MYO3B: variants seen among roughly 807,000 people sequenced by gnomAD.
MYO3B encodes the protein myosin IIIB, also known as myosin-IIIb.
MYO3B carries 156 observed loss-of-function variants against 174.6 expected under a neutral mutation model. The ratio of observed to expected loss-of-function variants is 0.89; its 90% CI spans 0.78 to 1.02. The LOEUF (loss-of-function observed/expected upper bound fraction) is 1.02. Among genes scored for constraint, MYO3B ranks in the 50% least tolerant of loss-of-function variants. The pLI is 0.00. For missense variants in MYO3B, 1,632 were observed against 1,639.4 expected (o/e 1.00, Z 0.08); for synonymous variants, 563 against 569.1 (o/e 0.99, Z 0.15).
chr2:170,286,269 C>T (rs1227313567), intron 7 of MYO3B, among the ~76,000 whole-genome samples: 1 of 152,152 alleles, frequency 6.6e-6, no homozygotes, highest in Non-Finnish European at 1.5e-5. Flanking sequence ...TGAACTATAT[C>T]TGATGTTCAC....
chr2:170,465,876 C>A (rs1684591991), intron 24 of MYO3B, among the ~76,000 whole-genome samples: 1 of 152,126 alleles, frequency 6.6e-6, no homozygotes, highest in Non-Finnish European at 1.5e-5. Context: ...GCAGTGGATG[C>A]CCCTGAGGAA....
intron 26 of MYO3B, among the ~76,000 whole-genome samples, chr2:170,499,085 A>G (rs1458092844): frequency 6.6e-6 from 1 of 152,208 alleles, no homozygotes; most frequent in East Asian, 1.9e-4. Context: ...TTTGCTGCAT[A>G]GCCTGATTAT....
At chr2:170,534,157 G>A (rs368552218) in intron 30 of MYO3B, among the ~76,000 whole-genome samples, 4 of 152,184 alleles carry the variant, frequency 2.6e-5, no homozygotes, top group Non-Finnish European at 4.4e-5. Context: ...TGTTGAGCAA[G>A]TCTGTTTTTG....
At chr2:170,316,451 T>G (rs1297907908) in intron 7 of MYO3B, among the ~76,000 whole-genome samples, 1 of 152,226 alleles carries the variant, frequency 6.6e-6, no homozygotes. Context: ...ATCTTCATTT[T>G]AAAATCTGAA....
intron 32 of MYO3B, among the ~76,000 whole-genome samples, chr2:170,649,630 C>T (rs1010114674): frequency 6.7e-6 from 1 of 150,008 alleles, no homozygotes; most frequent in Non-Finnish European, 1.5e-5. Flanking sequence ...AGTTCGAGAC[C>T]AGCCTGGCCA....
intron 25 of MYO3B, among the ~76,000 whole-genome samples, chr2:170,492,527 C>G (rs527895647): frequency 6.6e-6 from 1 of 152,296 alleles, no homozygotes; most frequent in East Asian, 1.9e-4. Flanking sequence ...CGAAAGTAAC[C>G]TAAGAAATAA....
chr2:170,277,625 A>G (rs1407557131), intron 7 of MYO3B, among the ~76,000 whole-genome samples: 1 of 152,118 alleles, frequency 6.6e-6, no homozygotes, highest in Non-Finnish European at 1.5e-5. Context: ...TAGGCTGGTA[A>G]TTTAAGGATA....
chr2:170,405,631 A>G lies in MYO3B; in HGVS notation c.2518A>G (p.Lys840Glu). 6.2e-7 allele frequency: 1 copy of G among 1,614,104 alleles called. No homozygotes were observed. Among genetic ancestry groups the G allele is most frequent in the Non-Finnish European group, 8.5e-7 (1 of 1,179,934 alleles). ...LCFGIQHYAG[K>E]VLYDASGVLE... ...CTTTGGCATTCAGCATTATGCTGGA[A>G]AGGTGAGGCCAGTGTGACAGTTATT... Residue 840 changes from lysine to glutamate, a missense_variant and splice_region_variant, in exon 21 of 35, where the codon AAG (lysine) becomes GAG (glutamate). Physicochemically the swap from Lys to Glu is moderately conservative, Grantham distance 56 (BLOSUM62 1). Coordinates refer to ENST00000408978, the MANE Select transcript of MYO3B (RefSeq NM_138995.5).
chr2:170,589,993 G>T (rs115469363), intron 32 of MYO3B, among the ~76,000 whole-genome samples: 117 of 152,252 alleles, frequency 7.7e-4, no homozygotes, highest in African/African-American at 2.6e-3. Flanking sequence ...ATTGTAATAT[G>T]ATGTACAGGT....
chr2:170,605,035 A>G (rs1175739972), intron 32 of MYO3B, among the ~76,000 whole-genome samples: 2 of 152,060 alleles, frequency 1.3e-5, no homozygotes, highest in African/African-American at 4.8e-5. Context: ...TGTTATCTGT[A>G]TTTCCCACTA....
At chr2:170,406,581 C>G (rs1323439367) in intron 21 of MYO3B, among the ~76,000 whole-genome samples, 1 of 152,124 alleles carries the variant, frequency 6.6e-6, no homozygotes, top group East Asian at 1.9e-4. Flanking sequence ...ATACCAGCAT[C>G]TACCCTGATT....
At chr2:170,362,510 T>G (rs2094169147) in intron 8 of MYO3B, among the ~76,000 whole-genome samples, 1 of 152,214 alleles carries the variant, frequency 6.6e-6, no homozygotes, top group African/African-American at 2.4e-5. Context: ...CTATTCCCGT[T>G]ACTCATTTCA....
rs375266332 is a variant in MYO3B at position 170,494,859 on chromosome 2, C to G, written c.3015-3733C>G. On this transcript the variant is annotated intron_variant, in intron 25 of 34. Transcript: ENST00000408978. ...AAGATAGAATTTGTATAGCTTTTAC[C>G]AGACTTTCACAGAGCCTTGAGCCCC... Among the ~76,000 whole-genome samples the G allele has an allele frequency of 3.3e-5, 5 of 152,008 alleles. No homozygotes were observed. In the South Asian group the frequency reaches 6.2e-4, roughly 19 times the overall value.
At position 170,290,148 on chromosome 2, in the gene MYO3B, CT is replaced by C. The variant is rs376396727; in HGVS notation, c.750-45236del. Among the ~76,000 whole-genome samples the C allele has an allele frequency of 5.2e-3, 797 of 152,082 alleles. 6 individuals carry two copies. The highest frequency in any genetic ancestry group is 0.018 in the African/African-American group (759 of 41,500). ...GCTGTGATTCATTCTGGAAAATGTC[CT>C]GTGTGCTGATAAAAAGAATATGTAT... On this transcript the variant is annotated intron_variant, in intron 7 of 34. Coordinates refer to ENST00000408978, the MANE Select transcript of MYO3B (RefSeq NM_138995.5).
intron 7 of MYO3B, among the ~76,000 whole-genome samples, chr2:170,298,837 A>G (rs2093646028): frequency 6.6e-6 from 1 of 152,102 alleles, no homozygotes; most frequent in African/African-American, 2.4e-5. Flanking sequence ...GACCACATAT[A>G]TGACAGTGGT....
chr2:170,601,630 C>T, intron 32 of MYO3B: 1 of 1,288,552 alleles, frequency 7.8e-7, no homozygotes, highest in Non-Finnish European at 1.1e-6. Flanking sequence ...TCATCTTCTT[C>T]ATCTTCCTCC....
intron 7 of MYO3B, among the ~76,000 whole-genome samples, chr2:170,277,971 G>C (rs1185533879): frequency 6.6e-6 from 1 of 152,152 alleles, no homozygotes; most frequent in Non-Finnish European, 1.5e-5. Flanking sequence ...TTATGTGTGT[G>C]CCTGGAATAG....
chr2:170,631,685 A>G (rs932689595), intron 32 of MYO3B, among the ~76,000 whole-genome samples: 2 of 152,140 alleles, frequency 1.3e-5, no homozygotes, highest in Non-Finnish European at 2.9e-5. Context: ...AGGGAAGCCC[A>G]TCAGACTAAC....
chr2:170,423,456 C>A (rs2094634705), intron 22 of MYO3B, among the ~76,000 whole-genome samples: 1 of 152,080 alleles, frequency 6.6e-6, no homozygotes. Flanking sequence ...GGTGGGGTAG[C>A]ACAGAATAAT....
Sources: allele counts gnomAD v4.1 joint callset (sites outside exome capture counted in the v4.1 genomes callset), GRCh38; gene constraint gnomAD v4.1.1; transcripts MANE v1.5; gene names NCBI Gene and HGNC (gene_info 2026-07-23, HGNC 2026-07-21).